FAM83F: variants seen among roughly 807,000 people sequenced by gnomAD.
FAM83F encodes the protein protein FAM83F.
In FAM83F, 45 loss-of-function variants were observed where a neutral mutation model predicts 42.9. The observed-to-expected ratio is 1.05, with a 90% confidence interval of 0.83 to 1.35. FAM83F has a LOEUF of 1.35. FAM83F is among the 40% of genes most tolerant of loss of function. The pLI is 0.00. For missense variants in FAM83F, 617 were observed against 695.9 expected (o/e 0.89, Z 1.28); for synonymous variants, 306 against 298.3 (o/e 1.03, Z -0.27).
chr22:40,004,970 A>G (rs1021573624), intron 1 of FAM83F, among the ~76,000 whole-genome samples: 1 of 152,190 alleles, frequency 6.6e-6, no homozygotes, highest in South Asian at 2.1e-4. Context: ...GCTGTGTACA[A>G]AACTGGAGGC....
chr22:40,027,057 G>C (rs944032285), intron 4 of FAM83F, among the ~76,000 whole-genome samples: 1 of 152,152 alleles, frequency 6.6e-6, no homozygotes, highest in Non-Finnish European at 1.5e-5. Context: ...TCCTGGCACA[G>C]CTGTGAACAG....
intron 1 of FAM83F, among the ~76,000 whole-genome samples, chr22:40,005,837 G>A (rs1172821525): frequency 6.6e-6 from 1 of 152,184 alleles, no homozygotes; most frequent in East Asian, 1.9e-4. Flanking sequence ...TCTAATTAGT[G>A]AGTCCAAGAC....
At chr22:40,027,099 G>A (rs1313146657) in intron 4 of FAM83F, among the ~76,000 whole-genome samples, 2 of 152,086 alleles carry the variant, frequency 1.3e-5, no homozygotes, top group Non-Finnish European at 2.9e-5. Context: ...TATGGAGCAT[G>A]TTACCCTGGG....
At chr22:39,996,539 G>T (rs2067374139) in intron 1 of FAM83F, among the ~76,000 whole-genome samples, 1 of 152,218 alleles carries the variant, frequency 6.6e-6, no homozygotes, top group Non-Finnish European at 1.5e-5. Flanking sequence ...TTAAGAAACA[G>T]CAGCAGCTTT....
intron 1 of FAM83F, among the ~76,000 whole-genome samples, chr22:39,997,735 G>A (rs1352898385): frequency 6.6e-6 from 1 of 152,182 alleles, no homozygotes; most frequent in Non-Finnish European, 1.5e-5. Flanking sequence ...CTGTCGTGGG[G>A]GGAGGTGAGT....
At chr22:40,026,032 C>T (rs1274510269) in intron 4 of FAM83F, among the ~76,000 whole-genome samples, 1 of 152,248 alleles carries the variant, frequency 6.6e-6, no homozygotes, top group Non-Finnish European at 1.5e-5. Flanking sequence ...TCACATGGAA[C>T]TGGCGTCCTC....
At position 40,023,024 on chromosome 22, in the gene FAM83F, T is replaced by C. The variant is rs191174324; in HGVS notation, c.1453+1061T>C. 2.0e-3 allele frequency among the ~76,000 whole-genome samples: 302 copies of C among 152,358 alleles called. No homozygotes were observed. Among genetic ancestry groups the C allele is most frequent in the African/African-American group, 7.0e-3 (291 of 41,584 alleles). On this transcript the variant is annotated intron_variant, in intron 4 of 4. Coordinates refer to ENST00000333407, the MANE Select transcript of FAM83F (RefSeq NM_138435.4). The surrounding 1 kb of genome is among the most constrained non-coding windows in gnomAD (Gnocchi z 4.1). The stretch of plus-strand genomic sequence containing the variant: ...GTTGGCTAACTTTGCTTCTTGGAGT[T>C]GGAACAGGCCTGGGCGCCTCTGTGG...
intron 1 of FAM83F, among the ~76,000 whole-genome samples, chr22:40,015,469 T>C (rs2067488060): frequency 1.3e-5 from 2 of 152,246 alleles, no homozygotes; most frequent in South Asian, 4.1e-4. Flanking sequence ...TTGTTTGTGC[T>C]GTGCCCTTTC....
chr22:40,017,616 G>T (rs112085834), intron 1 of FAM83F, among the ~76,000 whole-genome samples: 38 of 152,318 alleles, frequency 2.5e-4, no homozygotes, highest in African/African-American at 8.4e-4. Context: ...TCTATTTTGC[G>T]GCCAAAGAAG....
At chr22:40,027,041 C>T (rs754898056) in intron 4 of FAM83F, among the ~76,000 whole-genome samples, 11 of 152,126 alleles carry the variant, frequency 7.2e-5, no homozygotes, top group Middle Eastern at 3.2e-3. Context: ...AGGCCCTGCT[C>T]TAAGTTCCTG....
At chr22:40,008,029 T>C (rs996761857) in intron 1 of FAM83F, among the ~76,000 whole-genome samples, 1 of 152,226 alleles carries the variant, frequency 6.6e-6, no homozygotes, top group South Asian at 2.1e-4. Context: ...AGCCGTGCAT[T>C]GCGACATTCA....
chr22:40,020,561 C>A (rs1463740465), intron 3 of FAM83F, among the ~76,000 whole-genome samples: 1 of 151,934 alleles, frequency 6.6e-6, no homozygotes, highest in Non-Finnish European at 1.5e-5. Flanking sequence ...AGGGGTTTCA[C>A]CATGTTGGCC....
intron 1 of FAM83F, among the ~76,000 whole-genome samples, chr22:39,997,224 T>C (rs959253845): frequency 2.0e-5 from 3 of 152,184 alleles, no homozygotes; most frequent in African/African-American, 7.2e-5. Context: ...TGCAGTCCGA[T>C]TAAGCAAGGG....
chr22:40,020,097 A>G (rs983184050), intron 3 of FAM83F, 89 bp downstream of exon 3: 52 of 1,517,846 alleles, frequency 3.4e-5, no homozygotes, highest in Non-Finnish European at 4.4e-5. Flanking sequence ...CTCCGTCATC[A>G]TGAGTGTGTA....
intron 1 of FAM83F, among the ~76,000 whole-genome samples, chr22:40,011,710 C>T (rs538336485): frequency 2.0e-5 from 3 of 152,234 alleles, no homozygotes; most frequent in Non-Finnish European, 4.4e-5. Flanking sequence ...TTACTTCTGT[C>T]TGCTGTAAAA....
intron 1 of FAM83F, among the ~76,000 whole-genome samples, chr22:39,998,639 T>A (rs2067382514): frequency 6.6e-6 from 1 of 152,098 alleles, no homozygotes; most frequent in Non-Finnish European, 1.5e-5. Flanking sequence ...CCTCTGCAAA[T>A]GTCAGAAAGC....
intron 1 of FAM83F, among the ~76,000 whole-genome samples, chr22:40,009,084 G>A (rs1019244001): frequency 2.6e-5 from 4 of 152,146 alleles, no homozygotes; most frequent in South Asian, 2.1e-4. Flanking sequence ...ACTGCACAGC[G>A]TTTTTGTGGG....
intron 1 of FAM83F, among the ~76,000 whole-genome samples, chr22:40,014,459 A>G (rs1248382381): frequency 1.3e-5 from 2 of 152,128 alleles, no homozygotes; most frequent in Non-Finnish European, 2.9e-5. Context: ...ACCATTTCTG[A>G]TGCTGAGTCA....
chr22:40,011,165 A>T (rs1306973501), intron 1 of FAM83F, among the ~76,000 whole-genome samples: 1 of 152,086 alleles, frequency 6.6e-6, no homozygotes, highest in East Asian at 1.9e-4. Context: ...AAAAGTATGC[A>T]GTGTTATGTT....
Sources: allele counts gnomAD v4.1 joint callset (sites outside exome capture counted in the v4.1 genomes callset), GRCh38; gene constraint gnomAD v4.1.1; non-coding constraint Gnocchi (gnomAD v3.1); transcripts MANE v1.5; gene names NCBI Gene and HGNC (gene_info 2026-07-23, HGNC 2026-07-21).